The following ZNF423 variants were observed in gnomAD, a reference collection of about 807,000 sequenced individuals.
The protein encoded by ZNF423 is zinc finger protein 423.
A neutral mutation model predicts 95.8 loss-of-function variants in ZNF423; 12 were observed. The observed-to-expected ratio is 0.13, with a 90% CI of 0.08 to 0.20. ZNF423 has a LOEUF of 0.20. ZNF423 is among the 10% of genes least tolerant of loss of function. ZNF423 has a pLI of 1.00. For missense variants in ZNF423, 1,316 were observed against 1,737.1 expected (o/e 0.76, Z 4.31); for synonymous variants, 749 against 711.9 (o/e 1.05, Z -0.83).
chr16:49,774,596 G>T (rs2034089584), intron 2 of ZNF423, among the ~76,000 whole-genome samples: 1 of 152,178 alleles, frequency 6.6e-6, no homozygotes. Context: ...CTGCACCCCT[G>T]TTGGAGGCTG....
intron 1 of ZNF423, among the ~76,000 whole-genome samples, chr16:49,790,659 G>A (rs1273166455): frequency 6.6e-6 from 1 of 152,256 alleles, no homozygotes; most frequent in African/African-American, 2.4e-5. Flanking sequence ...GAGCAAGCAG[G>A]CTGGCTTGTG....
intron 3 of ZNF423, among the ~76,000 whole-genome samples, chr16:49,706,877 A>G (rs2032368908): frequency 6.6e-6 from 1 of 152,142 alleles, no homozygotes; most frequent in South Asian, 2.1e-4. Context: ...CTCACATGGC[A>G]GGTGGTCCCA....
intron 3 of ZNF423, among the ~76,000 whole-genome samples, chr16:49,646,214 T>C (rs1055693646): frequency 3.3e-5 from 5 of 152,212 alleles, no homozygotes; most frequent in Admixed American, 2.0e-4. Flanking sequence ...GACCTGAATA[T>C]GCTTCAGGGC....
At chr16:49,678,357 G>A (rs528910255) in intron 3 of ZNF423, among the ~76,000 whole-genome samples, 6 of 151,612 alleles carry the variant, frequency 4.0e-5, no homozygotes, top group Non-Finnish European at 7.4e-5. Context: ...AAAAGTTACC[G>A]ACACTAAGGT....
In ZNF423 at chr16:49,638,039, T is replaced by A. The variant is rs745487905; in HGVS notation, c.1137A>T (p.Thr379=). The part of the protein sequence containing the change: ...LGSVASMSSA[T]PDSSASVERG... The stretch of plus-strand genomic sequence containing the variant: ...GCTCCACAGAGGCGCTGGAGTCGGG[T>A]GTGGCGCTGCTCATGGAGGCCACGC... The change falls in exon 4 of 8, where the codon ACA becomes ACT. Residue 379 remains threonine, a synonymous_variant. Coordinates refer to ENST00000563137, the MANE Select transcript of ZNF423 (RefSeq NM_001379286.1). This position sits in a 1 kb window ranked among gnomAD's most constrained non-coding sequence, Gnocchi z 5.6. 2 of 1,613,860 alleles carry A rather than the reference T, an allele frequency of 1.2e-6. No individual in the cohort carries two copies.
chr16:49,725,679 C>T (rs1029885087), intron 3 of ZNF423, among the ~76,000 whole-genome samples: 5 of 152,088 alleles, frequency 3.3e-5, no homozygotes, highest in South Asian at 2.1e-4. Flanking sequence ...GGCTGCAGGG[C>T]GTGTGTTCCA....
In ZNF423 at chr16:49,636,555, G is replaced by A. The variant is rs959264947; in HGVS notation, c.2621C>T (p.Pro874Leu). The A allele has an allele frequency of 3.3e-5, 53 of 1,613,852 alleles. No individual in the cohort carries two copies. The highest frequency in any genetic ancestry group is 3.5e-5 in the Non-Finnish European group (41 of 1,180,028). The change falls in exon 4 of 8, where the codon CCT (proline) becomes CTT (leucine). Residue 874 changes from proline to leucine, a missense_variant. Physicochemically the swap from Pro to Leu is moderately conservative, Grantham distance 98 (BLOSUM62 -3). This residue lies in a region of ZNF423 where 620 missense variants were observed against 775.6 expected (regional missense o/e 0.80). Transcript: ENST00000563137. This position sits in a 1 kb window ranked among gnomAD's most constrained non-coding sequence, Gnocchi z 8.6. ...ADLQGMLLKN[P>L]EAPNSHEASE... ...GGCCTCATGGCTGTTAGGTGCCTCA[G>A]GGTTCTTAAGCAGCATGCCCTGCAG...
At chr16:49,546,162 G>GT (rs1334642045) in intron 5 of ZNF423, among the ~76,000 whole-genome samples, 4 of 152,054 alleles carry the variant, frequency 2.6e-5, no homozygotes, top group South Asian at 2.1e-4. Context: ...TTTCACTAAG[G>GT]TTTTTTTTAA....
At chr16:49,649,038 G>A (rs574894494) in intron 3 of ZNF423, among the ~76,000 whole-genome samples, 1 of 152,310 alleles carries the variant, frequency 6.6e-6, no homozygotes, top group African/African-American at 2.4e-5. Flanking sequence ...AACACTGCCA[G>A]CTTAAACCAA....
At chr16:49,690,239 T>C (rs941100652) in intron 3 of ZNF423, among the ~76,000 whole-genome samples, 1 of 152,178 alleles carries the variant, frequency 6.6e-6, no homozygotes, top group Admixed American at 6.5e-5. Flanking sequence ...TGCTAAAGAC[T>C]GTGGGCAGAG....
intron 2 of ZNF423, among the ~76,000 whole-genome samples, chr16:49,734,612 A>G (rs1339182514): frequency 6.6e-6 from 1 of 152,172 alleles, no homozygotes; most frequent in Non-Finnish European, 1.5e-5. Flanking sequence ...CAGCATGAAG[A>G]CAGCTCGCTC....
chr16:49,851,075 AC>A (rs1236945213), intron 1 of ZNF423, among the ~76,000 whole-genome samples: 9 of 152,170 alleles, frequency 5.9e-5, no homozygotes, highest in African/African-American at 2.2e-4. Flanking sequence ...AAGTCCAGTC[AC>A]TCAAAGACAG....
In ZNF423 at chr16:49,674,193, A is replaced by G. The variant is rs1344745562; in HGVS notation, c.302-35319T>C. 2.6e-5 allele frequency among the ~76,000 whole-genome samples: 4 copies of G among 152,348 alleles called. No individual in the cohort carries two copies. The East Asian group carries it at 7.7e-4, about 29-fold the overall frequency. On this transcript the variant is annotated intron_variant, in intron 3 of 7. Transcript: ENST00000563137. ...ATATGAATTTAGCTGTGTGCTGAGC[A>G]AAAAGAAAATTTGTGCACAGGATCT... is the stretch of plus-strand genomic sequence containing the variant.
chr16:49,717,516 G>C (rs575628703), intron 3 of ZNF423, among the ~76,000 whole-genome samples: 1 of 152,338 alleles, frequency 6.6e-6, no homozygotes, highest in South Asian at 2.1e-4. Flanking sequence ...CTGCTATTCA[G>C]AGCACTTGAC....
At chr16:49,518,420 T>C (rs992529449) in intron 7 of ZNF423, 5 of 438,320 alleles carry the variant, frequency 1.1e-5, no homozygotes, top group Non-Finnish European at 2.2e-5. Flanking sequence ...ATTCACTTTT[T>C]CTGTACACAG....
chr16:49,772,243 A>C (rs1259150965), intron 2 of ZNF423, among the ~76,000 whole-genome samples: 1 of 152,248 alleles, frequency 6.6e-6, no homozygotes, highest in Non-Finnish European at 1.5e-5. Context: ...GCCCAGCTCA[A>C]ACAAAGAGAA....
chr16:49,794,021 GTCTC>G (rs5816660), intron 1 of ZNF423, among the ~76,000 whole-genome samples: 237 of 148,008 alleles, frequency 1.6e-3, no homozygotes, highest in South Asian at 5.4e-3. Flanking sequence ...GTCTGTCTCT[GTCTC>G]TCTCTCTCTC....
intron 7 of ZNF423, chr16:49,517,745 CT>C: frequency 3.3e-6 from 1 of 305,106 alleles, no homozygotes; most frequent in South Asian, 2.8e-5. Flanking sequence ...TTTCTCCACC[CT>C]ATGGCTTCGA....
At chr16:49,597,776 T>A (rs898477590) in intron 5 of ZNF423, among the ~76,000 whole-genome samples, 9 of 152,152 alleles carry the variant, frequency 5.9e-5, no homozygotes, top group African/African-American at 7.2e-5. Context: ...AGTCTACAGC[T>A]CTAAGAGGGC....
Sources: allele counts gnomAD v4.1 joint callset (sites outside exome capture counted in the v4.1 genomes callset), GRCh38; gene constraint gnomAD v4.1.1; regional missense constraint gnomAD v4.1.1; non-coding constraint Gnocchi (gnomAD v3.1); transcripts MANE v1.5; gene names NCBI Gene and HGNC (gene_info 2026-07-23, HGNC 2026-07-21).